The following DUSP29 variants were observed in gnomAD, a reference collection of about 807,000 sequenced individuals.
The protein encoded by DUSP29 is atypical dual-specific protein phosphatase.
In DUSP29, 12 loss-of-function variants were observed where a neutral mutation model predicts 13.5. The observed-to-expected ratio is 0.89, with a 90% CI of 0.57 to 1.44. DUSP29 has a LOEUF of 1.44. DUSP29 is among the 40% of genes most tolerant of loss of function. The probability of loss-of-function intolerance (pLI) is 0.00; values close to 1 mark genes in which losing one functional copy is unlikely to be tolerated. For synonymous variants in DUSP29, 134 were observed against 128.7 expected (o/e 1.04, Z -0.28); for missense variants, 308 against 301.1 (o/e 1.02, Z -0.17).
intron 2 of DUSP29, among the ~76,000 whole-genome samples, chr10:75,045,095 G>A (rs978821891): frequency 1.3e-5 from 2 of 152,348 alleles, no homozygotes; most frequent in South Asian, 4.1e-4. Flanking sequence ...AATGGCTCAC[G>A]CCTATAATCC....
chr10:75,047,434 G>C (rs1846729432), intron 2 of DUSP29, among the ~76,000 whole-genome samples: 1 of 152,208 alleles, frequency 6.6e-6, no homozygotes, highest in Non-Finnish European at 1.5e-5. Context: ...AGAGGGTGGT[G>C]TCTGACACTA....
At chr10:75,046,817 C>T (rs749174015) in intron 2 of DUSP29, among the ~76,000 whole-genome samples, 2 of 152,166 alleles carry the variant, frequency 1.3e-5, no homozygotes, top group Non-Finnish European at 2.9e-5. Flanking sequence ...CAATTAAAGC[C>T]GCCGCTAATG....
rs745884295 is a variant in DUSP29 at position 75,037,897 on chromosome 10, A to T, written c.602T>A (p.Val201Glu). 8 of 1,613,372 alleles carry T rather than the reference A, an allele frequency of 5.0e-6. No individual in the cohort carries two copies. The South Asian group carries it at 8.8e-5, about 18-fold the overall frequency. The change falls in exon 4 of 4, where the codon GTG becomes GAG. Residue 201 changes from valine to glutamate, a missense_variant. By Grantham distance (121) the Val-to-Glu change is moderately radical. Transcript: ENST00000338487. ...GCGCTGGGACCGTCGCCTCTGCTGC[A>T]CCAGCTGCTTGTCCAGCTCCCGGAG... Reference protein sequence around the residue: ...KQLRELDKQLVQQRRRSQRQD... With the variant: ...KQLRELDKQLEQQRRRSQRQD...
intron 2 of DUSP29, among the ~76,000 whole-genome samples, chr10:75,056,535 C>A (rs191947259): frequency 6.7e-6 from 1 of 150,338 alleles, no homozygotes; most frequent in Admixed American, 6.6e-5. Context: ...GGCGTGGTGG[C>A]GCATGCCTGT....
At chr10:75,064,732 T>C (rs556745400) in intron 1 of DUSP29, among the ~76,000 whole-genome samples, 97 of 152,170 alleles carry the variant, frequency 6.4e-4, no homozygotes, top group African/African-American at 2.3e-3. Flanking sequence ...AAGGTTTTAA[T>C]CTGAATTTGA....
intron 1 of DUSP29, among the ~76,000 whole-genome samples, chr10:75,065,876 A>AT (rs1230999719): frequency 1.8e-3 from 263 of 146,454 alleles, no homozygotes; most frequent in African/African-American, 6.4e-3. Context: ...TATTATTATC[A>AT]TTTATTTTAT....
intron 3 of DUSP29, among the ~76,000 whole-genome samples, chr10:75,042,279 C>T (rs964334805): frequency 1.3e-5 from 2 of 152,238 alleles, no homozygotes; most frequent in Non-Finnish European, 2.9e-5. Context: ...CTGTCTTCTC[C>T]GAAGCCTGCC....
At chr10:75,066,755 CAGTGGCACCGAGTGCCTCCTGTCA>C (rs1453028330) in intron 1 of DUSP29, among the ~76,000 whole-genome samples, 6 of 152,148 alleles carry the variant, frequency 3.9e-5, no homozygotes, top group African/African-American at 1.4e-4. Context: ...TACATCTCTC[CAGTGGCACCGAGTGCCTCCTGTCA>C]AGTGGGAGCC....
rs546312348 is a variant in DUSP29, at chr10:75,042,392, T to G, written c.421+1405A>C. Among the ~76,000 whole-genome samples the G allele has an allele frequency of 9.2e-5, 14 of 152,368 alleles. No individual in the cohort carries two copies. The South Asian group carries it at 2.9e-3, about 32-fold the overall frequency. ...GTTGTTGCAGTCTTTGTTTTTTTCA[T>G]GTCAAATGTGTTTTCAGTTAACTTC... On this transcript the variant is annotated intron_variant, in intron 3 of 3. Transcript: ENST00000338487.
At chr10:75,038,688 G>C (rs975119748) in intron 3 of DUSP29, among the ~76,000 whole-genome samples, 1 of 150,688 alleles carries the variant, frequency 6.6e-6, no homozygotes, top group Non-Finnish European at 1.5e-5. Context: ...AGAGGGGAGG[G>C]GAGAAAGAGT....
chr10:75,060,478 A>C (rs1322890642), intron 1 of DUSP29, among the ~76,000 whole-genome samples: 1 of 152,052 alleles, frequency 6.6e-6, no homozygotes, highest in Non-Finnish European at 1.5e-5. Context: ...TAAAAAAAAA[A>C]AAAAAAACCC....
chr10:75,048,031 G>A (rs938989787), intron 2 of DUSP29, among the ~76,000 whole-genome samples: 14 of 152,166 alleles, frequency 9.2e-5, no homozygotes, highest in African/African-American at 3.1e-4. Flanking sequence ...ATATAGGTAT[G>A]TCCCAATTTT....
At chr10:75,058,215 G>T in intron 2 of DUSP29, 100 bp downstream of exon 2, 2 of 1,392,768 alleles carry the variant, frequency 1.4e-6, no homozygotes, top group South Asian at 2.8e-5. Context: ...CTCACAGAAC[G>T]ACTACAAATT....
chr10:75,048,030 T>C (rs12218431), intron 2 of DUSP29, among the ~76,000 whole-genome samples: 11,888 of 152,290 alleles, frequency 0.078, 1,037 homozygotes, highest in African/African-American at 0.2. Context: ...TATATAGGTA[T>C]GTCCCAATTT....
At chr10:75,046,489 C>T (rs1393561160) in intron 2 of DUSP29, among the ~76,000 whole-genome samples, 1 of 152,246 alleles carries the variant, frequency 6.6e-6, no homozygotes, top group Non-Finnish European at 1.5e-5. Flanking sequence ...TATGCCATGG[C>T]CCCTCGGCCA....
intron 1 of DUSP29, among the ~76,000 whole-genome samples, chr10:75,063,701 G>T (rs894182637): frequency 6.6e-6 from 1 of 151,908 alleles, no homozygotes; most frequent in African/African-American, 2.4e-5. Flanking sequence ...GTGCTCCCGG[G>T]AGCACCTCTC....
chr10:75,040,044 G>C (rs1349125540), intron 3 of DUSP29, among the ~76,000 whole-genome samples: 1 of 152,076 alleles, frequency 6.6e-6, no homozygotes, highest in Non-Finnish European at 1.5e-5. Context: ...CACCAGGTGT[G>C]GTGGTGGGCA....
intron 2 of DUSP29, among the ~76,000 whole-genome samples, chr10:75,053,583 T>A (rs976950914): frequency 1.3e-5 from 2 of 152,186 alleles, no homozygotes; most frequent in African/African-American, 4.8e-5. Flanking sequence ...AACCCCGTGC[T>A]CCTTCCCCTC....
chr10:75,065,382 T>C (rs80247893), intron 1 of DUSP29, among the ~76,000 whole-genome samples: 4 of 151,952 alleles, frequency 2.6e-5, no homozygotes, highest in Non-Finnish European at 4.4e-5. Context: ...TTTTTTTTTT[T>C]GAGACAGAGT....
Sources: allele counts gnomAD v4.1 joint callset (sites outside exome capture counted in the v4.1 genomes callset), GRCh38; gene constraint gnomAD v4.1.1; transcripts MANE v1.5; gene names NCBI Gene and HGNC (gene_info 2026-07-23, HGNC 2026-07-21).